The following FAM117A variants were observed in gnomAD, a reference collection of about 807,000 sequenced individuals.
FAM117A encodes the protein family with sequence similarity 117 member A, also known as protein FAM117A.
FAM117A carries 21 observed loss-of-function variants against 44.1 expected under a neutral mutation model. The ratio of observed to expected loss-of-function variants is 0.48; its 90% CI spans 0.34 to 0.69. The LOEUF (loss-of-function observed/expected upper bound fraction) is 0.69. Among genes scored for constraint, FAM117A ranks in the 30% least tolerant of loss-of-function variants. The pLI, the probability that FAM117A is intolerant of heterozygous loss-of-function variation, is 0.01. For synonymous variants in FAM117A, 220 were observed against 238.3 expected (o/e 0.92, Z 0.71); for missense variants, 498 against 589.9 (o/e 0.84, Z 1.61).
chr17:49,767,311 C>A (rs563560426), upstream of FAM117A, among the ~76,000 whole-genome samples: 1 of 152,210 alleles, frequency 6.6e-6, no homozygotes, highest in Non-Finnish European at 1.5e-5. Context: ...ATCTAACTTG[C>A]AACAAAACCT....
At chr17:49,745,668 G>A (rs2073652007) in intron 1 of FAM117A, among the ~76,000 whole-genome samples, 1 of 152,118 alleles carries the variant, frequency 6.6e-6, no homozygotes, top group African/African-American at 2.4e-5. Context: ...GAAATACAGG[G>A]GATAGAGGAG....
intron 1 of FAM117A, among the ~76,000 whole-genome samples, chr17:49,739,799 A>G (rs2073625574): frequency 6.6e-6 from 1 of 152,218 alleles, no homozygotes; most frequent in Admixed American, 6.5e-5. Flanking sequence ...CTGTTGGGGC[A>G]CTGGCTGGGT....
intron 1 of FAM117A, among the ~76,000 whole-genome samples, chr17:49,779,684 A>G (rs1303398278): frequency 6.6e-6 from 1 of 152,218 alleles, no homozygotes; most frequent in Non-Finnish European, 1.5e-5. Flanking sequence ...CTCTGCCCAG[A>G]GACTTGGGTC....
Position 49,764,063 on chromosome 17 carries a change from T to C in FAM117A, c.25A>G (p.Arg9Gly). 1 of 1,163,138 alleles carries C rather than the reference T, an allele frequency of 8.6e-7. No homozygotes were observed. The highest frequency in any genetic ancestry group is 1.1e-6 in the Non-Finnish European group (1 of 931,592). The allele number at this position is 1,163,138 out of a possible 1,614,324, so 72.1% of individuals were successfully genotyped here. A position where few individuals can be genotyped will look rare whatever the true frequency, so the allele number is the denominator to read the frequency against. Residue 9 changes from arginine to glycine, a missense_variant, in exon 1 of 8, where the codon AGA becomes GGA. Arg to Gly is a moderately radical substitution (Grantham distance 125, BLOSUM62 -2). Coordinates refer to ENST00000240364, the MANE Select transcript of FAM117A (RefSeq NM_030802.4). MAGAAAGG[R>G]GGGAWGPGRG... ...CCCGGCCCCCAGGCACCTCCGCCTC[T>C]GCCGCCCGCTGCGGCCCCCGCCATG...
chr17:49,717,525 G>A lies in FAM117A; in HGVS notation c.898C>T (p.Pro300Ser). 6.2e-7 allele frequency: 1 copy of A among 1,614,034 alleles called. No homozygotes were observed. The highest frequency in any genetic ancestry group is 8.5e-7 in the Non-Finnish European group (1 of 1,179,988). Residue 300 changes from proline (P) to serine (S), a missense_variant, in exon 6 of 8, where the codon CCC becomes TCC. This residue lies in a region of FAM117A where 224 missense variants were observed against 296.5 expected (regional missense o/e 0.76). Coordinates refer to ENST00000240364, the MANE Select transcript of FAM117A (RefSeq NM_030802.4). ...CTTCGCGGCTTACCTTTGTCGTTGG[G>A]GGTGGATGCCAGCTCCTCGGCGGCA... is the stretch of plus-strand genomic sequence containing the variant. ...RGAAEELAST[P>S]NDKASSPGHP...
At chr17:49,711,643 G>A (rs747770755) in intron 7 of FAM117A, 88 bp from the exon 8 acceptor site, 2 of 1,274,246 alleles carry the variant, frequency 1.6e-6, no homozygotes, top group Non-Finnish European at 1.1e-6. Flanking sequence ...ACAGCATCAA[G>A]GCAGCAGGAG....
At chr17:49,736,096 G>A (rs912626202) in intron 1 of FAM117A, among the ~76,000 whole-genome samples, 4 of 151,894 alleles carry the variant, frequency 2.6e-5, no homozygotes, top group African/African-American at 9.7e-5. Flanking sequence ...ATGTGTGTGT[G>A]TATATATACG....
chr17:49,783,829 T>G (rs995844459), intron 1 of FAM117A, among the ~76,000 whole-genome samples: 2 of 152,176 alleles, frequency 1.3e-5, no homozygotes, highest in African/African-American at 2.4e-5. Flanking sequence ...CAAGGCATGC[T>G]TCCCCCACCT....
At chr17:49,725,904 T>C (rs2073557319) in intron 2 of FAM117A, among the ~76,000 whole-genome samples, 1 of 152,270 alleles carries the variant, frequency 6.6e-6, no homozygotes, top group South Asian at 2.1e-4. Context: ...CTGAAGAGGA[T>C]AAAGCGATAT....
chr17:49,758,280 G>A (rs1261046513), intron 1 of FAM117A, among the ~76,000 whole-genome samples: 1 of 151,578 alleles, frequency 6.6e-6, no homozygotes, highest in African/African-American at 2.4e-5. Context: ...GCCATGAGCC[G>A]AGATCATGCC....
intron 1 of FAM117A, among the ~76,000 whole-genome samples, chr17:49,740,534 C>A (rs950407879): frequency 1.1e-4 from 17 of 152,328 alleles, no homozygotes; most frequent in Admixed American, 2.0e-4. Context: ...CAGGCGTGAG[C>A]CACTGCACCC....
chr17:49,763,142 AC>A (rs2073729217), intron 1 of FAM117A, among the ~76,000 whole-genome samples: 1 of 151,590 alleles, frequency 6.6e-6, no homozygotes, highest in African/African-American at 2.4e-5. Flanking sequence ...ACACACACAC[AC>A]ACACACACAC....
chr17:49,788,886 G>A, upstream of FAM117A: 1 of 1,555,918 alleles, frequency 6.4e-7, no homozygotes, highest in South Asian at 1.2e-5. Context: ...GGGTTTCTAA[G>A]GACAGTCGAT....
Position 49,711,561 on chromosome 17 carries a change from G to A in FAM117A, c.1062-6C>T, listed in dbSNP as rs775960104. The A allele has an allele frequency of 1.9e-6, 3 of 1,613,436 alleles. No homozygotes were observed. In the Admixed American group the frequency reaches 5.0e-5, roughly 27 times the overall value. On this transcript the variant is annotated splice_polypyrimidine_tract_variant and splice_region_variant and intron_variant, in intron 7 of 7. Transcript: ENST00000240364. ...CCAGGTCAGGACCTGGAGACCTGGA[G>A]GATGAAGAGAGACACACAAGACACA... is the stretch of plus-strand genomic sequence containing the variant.
chr17:49,778,605 CA>C (rs1377657752), intron 1 of FAM117A, among the ~76,000 whole-genome samples: 2 of 152,226 alleles, frequency 1.3e-5, no homozygotes, highest in Non-Finnish European at 2.9e-5. Flanking sequence ...CTATATTTCA[CA>C]TGCAAATACT....
At chr17:49,734,716 C>G (rs748273935) in intron 1 of FAM117A, among the ~76,000 whole-genome samples, 3 of 151,868 alleles carry the variant, frequency 2.0e-5, no homozygotes, top group Admixed American at 6.6e-5. Context: ...AGGTATATAC[C>G]AACAAAGAAC....
chr17:49,732,452 A>G, intron 2 of FAM117A, 99 bp downstream of exon 2: 1 of 1,152,156 alleles, frequency 8.7e-7, no homozygotes, highest in South Asian at 1.4e-5. Flanking sequence ...AAAACCCAAG[A>G]CAAATCATCG....
intron 1 of FAM117A, among the ~76,000 whole-genome samples, chr17:49,749,851 T>A (rs1242293645): frequency 6.7e-6 from 1 of 148,366 alleles, no homozygotes; most frequent in Admixed American, 6.7e-5. Context: ...CCAGCTATGG[T>A]CTCCTAAGAG....
At chr17:49,711,957 C>T (rs777706963) in intron 7 of FAM117A, among the ~76,000 whole-genome samples, 58 of 152,094 alleles carry the variant, frequency 3.8e-4, no homozygotes, top group Non-Finnish European at 6.5e-4. Context: ...CCAGCCTGGC[C>T]GACATGGTGA....
Sources: gnomAD v4.1 joint callset for allele counts (sites outside exome capture counted in the v4.1 genomes callset) on GRCh38, gnomAD v4.1.1 for gene constraint, gnomAD v4.1.1 regional missense constraint, MANE v1.5 for transcripts, NCBI Gene and HGNC (gene_info 2026-07-23, HGNC 2026-07-21) for gene names.